Variants in TM9SF3 observed in about 807,000 individuals in gnomAD.
TM9SF3 encodes the protein transmembrane 9 superfamily member 3.
A neutral mutation model predicts 78.6 loss-of-function variants in TM9SF3; 14 were observed. That is an observed-to-expected ratio of 0.18 (90% confidence interval 0.12 to 0.28). The LOEUF is 0.28. Among genes scored for constraint, TM9SF3 ranks in the 10% least tolerant of loss-of-function variants. The pLI is 1.00. For missense variants in TM9SF3, 496 were observed against 721.9 expected (o/e 0.69, Z 3.59); for synonymous variants, 231 against 241.7 (o/e 0.96, Z 0.41).
Position 96,586,819 on chromosome 10 carries a change from C to T in TM9SF3, c.17G>A (p.Gly6Asp), listed in dbSNP as rs1848638182. 2 of 1,255,364 alleles carry T rather than the reference C, an allele frequency of 1.6e-6. No homozygotes were observed. Among genetic ancestry groups the T allele is most frequent in the South Asian group, 2.9e-5 (1 of 34,322 alleles). 77.8% of individuals were successfully genotyped at this position (1,255,364 alleles called of 1,614,324 possible). The change falls in exon 1 of 15, where the codon GGC (glycine) becomes GAC (aspartate). Residue 6 changes from glycine (G) to aspartate (D), a missense_variant. Around this residue, in one of 4 missense-constraint regions of TM9SF3, gnomAD observed 58 missense variants for 32.9 expected, o/e 1.76. Coordinates refer to ENST00000371142, the MANE Select transcript of TM9SF3 (RefSeq NM_020123.4). ...GGCGGCCGCCGCCACGCCAAGAGCG[C>T]CAGGCAGCGGCCTCATCCTCCGCGC... MRPLPGALGVAAAAAL... is the reference protein window; with the variant it reads MRPLPDALGVAAAAAL...
At chr10:96,562,569 T>C (rs1295232115) in intron 3 of TM9SF3, among the ~76,000 whole-genome samples, 4 of 152,162 alleles carry the variant, frequency 2.6e-5, no homozygotes, top group Non-Finnish European at 4.4e-5. Context: ...TCTAGTACTT[T>C]CTCTAATAAC....
At chr10:96,529,521 C>T (rs1847873818) in intron 11 of TM9SF3, among the ~76,000 whole-genome samples, 1 of 151,696 alleles carries the variant, frequency 6.6e-6, no homozygotes, top group Non-Finnish European at 1.5e-5. Context: ...ACTTAGAATG[C>T]TTCAGATAGG....
At chr10:96,523,433 C>A (rs1847803456) in intron 14 of TM9SF3, among the ~76,000 whole-genome samples, 2 of 151,774 alleles carry the variant, frequency 1.3e-5, no homozygotes, top group South Asian at 4.1e-4. Context: ...CCCAAGGCTA[C>A]CAACTGGTTG....
At position 96,566,127 on chromosome 10, in the gene TM9SF3, A is replaced by T. The variant is rs191933125; in HGVS notation, c.299-701T>A. ...CCTGTTTCTAATAAAACAAAAGAAA[A>T]TCCAAAAAACCTACAAATACTAAAC... On this transcript the variant is annotated intron_variant, in intron 2 of 14. Transcript: ENST00000371142. 7.2e-5 allele frequency among the ~76,000 whole-genome samples: 11 copies of T among 152,322 alleles called. No individual in the cohort carries two copies. In the East Asian group the frequency reaches 2.1e-3, roughly 29 times the overall value.
chr10:96,543,118 G>A (rs928385971), intron 9 of TM9SF3, among the ~76,000 whole-genome samples: 3 of 152,172 alleles, frequency 2.0e-5, no homozygotes, highest in African/African-American at 7.2e-5. Flanking sequence ...ATGCACAAGC[G>A]TACATTAAGC....
chr10:96,525,601 A>T (rs1847829498), intron 14 of TM9SF3, among the ~76,000 whole-genome samples: 1 of 152,076 alleles, frequency 6.6e-6, no homozygotes, highest in South Asian at 2.1e-4. Context: ...TATATATCTT[A>T]TATAGCCAAA....
intron 14 of TM9SF3, among the ~76,000 whole-genome samples, chr10:96,524,718 AT>A (rs979134956): frequency 2.6e-5 from 4 of 151,770 alleles, no homozygotes; most frequent in Non-Finnish European, 4.4e-5. Context: ...TAATGTAGTC[AT>A]TTTTTCCTAC....
intron 8 of TM9SF3, among the ~76,000 whole-genome samples, chr10:96,545,870 C>G (rs1280236816): frequency 6.6e-6 from 1 of 150,698 alleles, no homozygotes. Flanking sequence ...GCCTGGGAGA[C>G]AAGAGCGAAA....
At position 96,533,188 on chromosome 10, in the gene TM9SF3, C is replaced by T. The variant is rs778623686; in HGVS notation, c.1188G>A (p.Val396=). 1.2e-6 allele frequency: 2 copies of T among 1,612,752 alleles called. No homozygotes were observed. The highest frequency in any genetic ancestry group is 1.7e-6 in the Non-Finnish European group (2 of 1,179,356). The stretch of plus-strand genomic sequence containing the variant: ...CAAAAAAACAGATGCAACAAACGGC[C>T]ACCTGTAAATTAAATAAAAATGTGT... ...ASRAIPFGTM[V]AVCCICFFVI... Residue 396 remains valine, a splice_region_variant and synonymous_variant, in exon 10 of 15, where the codon GTG becomes GTA. Transcript: ENST00000371142.
chr10:96,544,277 T>C (rs949240299), intron 8 of TM9SF3, 71 bp from the exon 9 acceptor site: 37 of 1,315,934 alleles, frequency 2.8e-5, no homozygotes, highest in Non-Finnish European at 2.3e-5. Context: ...GAAATTTTAA[T>C]ATAAAGATCA....
intron 5 of TM9SF3, among the ~76,000 whole-genome samples, chr10:96,554,557 A>T (rs1405723890): frequency 6.6e-6 from 1 of 152,016 alleles, no homozygotes; most frequent in Non-Finnish European, 1.5e-5. Flanking sequence ...GGCTCCTCCC[A>T]TCCTTTGTGA....
intron 14 of TM9SF3, among the ~76,000 whole-genome samples, chr10:96,526,485 T>A (rs1455027548): frequency 2.0e-5 from 3 of 152,186 alleles, no homozygotes; most frequent in Non-Finnish European, 2.9e-5. Flanking sequence ...TTTATCATAC[T>A]GTTTCCAAAA....
intron 4 of TM9SF3, among the ~76,000 whole-genome samples, chr10:96,561,153 C>G (rs777082109): frequency 1.3e-5 from 2 of 152,142 alleles, no homozygotes; most frequent in Non-Finnish European, 2.9e-5. Context: ...GTGAACCTTG[C>G]CCTTTGCTTT....
intron 1 of TM9SF3, among the ~76,000 whole-genome samples, chr10:96,580,873 AAAAAC>A (rs1848560837): frequency 6.6e-6 from 1 of 152,206 alleles, no homozygotes; most frequent in Non-Finnish European, 1.5e-5. Context: ...GACTAAAAAC[AAAAAC>A]AAAACTAAAG....
intron 4 of TM9SF3, chr10:96,560,180 AC>A: frequency 3.2e-6 from 3 of 951,404 alleles, no homozygotes; most frequent in Non-Finnish European, 5.0e-6. Flanking sequence ...GCGTGCTGCC[AC>A]CCCATGGAAG....
chr10:96,574,039 A>C (rs1848469261), intron 2 of TM9SF3, among the ~76,000 whole-genome samples: 2 of 152,262 alleles, frequency 1.3e-5, no homozygotes, highest in Non-Finnish European at 1.5e-5. Flanking sequence ...TAAAACACCA[A>C]AAGCAATGGC....
At chr10:96,571,698 G>T (rs1383414008) in intron 2 of TM9SF3, among the ~76,000 whole-genome samples, 1 of 151,936 alleles carries the variant, frequency 6.6e-6, no homozygotes, top group Non-Finnish European at 1.5e-5. Context: ...TAACTCTAAA[G>T]AAAAAAATAC....
chr10:96,537,931 CAA>C (rs983780827), intron 9 of TM9SF3, among the ~76,000 whole-genome samples: 5 of 152,126 alleles, frequency 3.3e-5, no homozygotes, highest in African/African-American at 1.2e-4. Context: ...GCTCATTAAT[CAA>C]AAGACTCAAT....
intron 7 of TM9SF3, among the ~76,000 whole-genome samples, chr10:96,549,764 G>A (rs1350630102): frequency 6.9e-6 from 1 of 145,410 alleles, no homozygotes; most frequent in Non-Finnish European, 1.5e-5. Flanking sequence ...ATTAGTGAGT[G>A]GTTTCTTATT....
Sources: gnomAD v4.1 joint callset for allele counts (sites outside exome capture counted in the v4.1 genomes callset) on GRCh38, gnomAD v4.1.1 for gene constraint, gnomAD v4.1.1 regional missense constraint, MANE v1.5 for transcripts, NCBI Gene and HGNC (gene_info 2026-07-23, HGNC 2026-07-21) for gene names.